The following TMEM38B variants were observed in gnomAD, a reference collection of about 807,000 sequenced individuals.
The protein encoded by TMEM38B is trimeric intracellular cation channel type B.
TMEM38B carries 24 observed loss-of-function variants against 28.7 expected under a neutral mutation model. That is an observed-to-expected ratio of 0.84 (90% CI 0.61 to 1.18). TMEM38B has a LOEUF of 1.18. Among genes scored for constraint, TMEM38B ranks in the 50% most tolerant of loss-of-function variants. The pLI is 0.00. For missense variants in TMEM38B, 380 were observed against 350.9 expected, an observed-to-expected ratio of 1.08 and a Z score of -0.66; for synonymous variants, 131 against 127.7, an observed-to-expected ratio of 1.03 and a Z score of -0.17.
chr9:105,773,132 C>T (rs1001310900), intron 5 of TMEM38B, among the ~76,000 whole-genome samples: 3 of 152,140 alleles, frequency 2.0e-5, no homozygotes, highest in African/African-American at 7.2e-5. Context: ...GAAAGTTCTC[C>T]TCCCAGATTT....
At chr9:105,700,619 T>C (rs1453499905) in intron 1 of TMEM38B, among the ~76,000 whole-genome samples, 1 of 152,182 alleles carries the variant, frequency 6.6e-6, no homozygotes. Flanking sequence ...CTTGACATGG[T>C]TATTTTCTCC....
intron 4 of TMEM38B, among the ~76,000 whole-genome samples, chr9:105,746,245 T>C (rs1837388185): frequency 1.3e-5 from 2 of 151,864 alleles, no homozygotes; most frequent in South Asian, 4.1e-4. Flanking sequence ...TATCCTCTTT[T>C]ATTTCATTGA....
At chr9:105,741,388 G>T (rs1837197243) in intron 4 of TMEM38B, among the ~76,000 whole-genome samples, 1 of 152,168 alleles carries the variant, frequency 6.6e-6, no homozygotes. Context: ...GGATGTTAAA[G>T]GCATTTCTGG....
chr9:105,746,650 T>C (rs1273051037), intron 4 of TMEM38B, among the ~76,000 whole-genome samples: 4 of 152,296 alleles, frequency 2.6e-5, no homozygotes, highest in Middle Eastern at 3.4e-3. Flanking sequence ...ATCCCTGTCT[T>C]GTGCCAGTTT....
At chr9:105,737,809 G>T (rs961681665) in intron 4 of TMEM38B, among the ~76,000 whole-genome samples, 3 of 152,174 alleles carry the variant, frequency 2.0e-5, no homozygotes, top group African/African-American at 7.2e-5. Flanking sequence ...TCAGGTGTCA[G>T]AGGTGTGACT....
In TMEM38B at chr9:105,694,690, G is replaced by A; in HGVS notation, c.30G>A (p.Leu10=). 1 of 1,614,008 alleles carries A rather than the reference G, an allele frequency of 6.2e-7. No individual in the cohort carries two copies. Among genetic ancestry groups the A allele is most frequent in the Non-Finnish European group, 8.5e-7 (1 of 1,179,904 alleles). Residue 10 remains leucine, a synonymous_variant, in exon 1 of 6, where the codon CTG becomes CTA. Transcript: ENST00000374692. MDSPWDELA[L]AFSRTSMFPF... is the part of the protein sequence containing the mutation. ...ATTCTCCATGGGACGAGTTGGCTCT[G>A]GCCTTCTCCCGCACGTCCATGTTTC...
At position 105,733,421 on chromosome 9, in the gene TMEM38B, CT is replaced by C. The variant is rs71306454; in HGVS notation, c.542+10815del. Among the ~76,000 whole-genome samples, 455 of 127,786 alleles carry C rather than the reference CT, an allele frequency of 3.6e-3. 1 individual carries two copies. Among genetic ancestry groups the C allele is most frequent in the Middle Eastern group, 0.012 (3 of 250 alleles). The allele number at this position is 127,786 out of a possible 152,430, so 83.8% of individuals were successfully genotyped here. On this transcript the variant is annotated intron_variant, in intron 4 of 5. Coordinates refer to ENST00000374692, the MANE Select transcript of TMEM38B (RefSeq NM_018112.3). ...ATATTGGCTTGCAGTTTTCTTTTTT[CT>C]TTTTTTTTTTTTTTGCGGTGTCTTT... is the stretch of plus-strand genomic sequence containing the variant.
At chr9:105,741,966 A>G (rs1275664443) in intron 4 of TMEM38B, among the ~76,000 whole-genome samples, 2 of 152,202 alleles carry the variant, frequency 1.3e-5, no homozygotes, top group Admixed American at 1.3e-4. Flanking sequence ...AGCCAGGGAT[A>G]GAGAGGAGGT....
intron 4 of TMEM38B, among the ~76,000 whole-genome samples, chr9:105,742,026 G>A (rs1837225762): frequency 6.6e-6 from 1 of 152,202 alleles, no homozygotes; most frequent in Non-Finnish European, 1.5e-5. Flanking sequence ...GACATGGATT[G>A]CTGTGCATAC....
intron 5 of TMEM38B, chr9:105,748,958 AG>A (rs2133620162): frequency 1.4e-6 from 1 of 710,526 alleles, no homozygotes; most frequent in East Asian, 7.0e-5. Flanking sequence ...GTTTTAGACT[AG>A]ATATTTTTGG....
At chr9:105,764,732 C>T (rs1169936055) in intron 5 of TMEM38B, among the ~76,000 whole-genome samples, 1 of 151,362 alleles carries the variant, frequency 6.6e-6, no homozygotes, top group African/African-American at 2.4e-5. Context: ...GAAAAAACTA[C>T]TTTAAAGTTC....
rs1340841607 is a variant in TMEM38B, at chr9:105,776,132, G to A, written c.*2052G>A. The A allele has an allele frequency of 1.3e-5, 2 of 152,010 alleles. No individual in the cohort carries two copies. The highest frequency in any genetic ancestry group is 3.9e-4 in the East Asian group (2 of 5,170). The allele number at this position is 152,010 out of a possible 1,614,324, so 9.4% of individuals were successfully genotyped here. A position where few individuals can be genotyped will look rare whatever the true frequency, so the allele number is the denominator to read the frequency against. ...TGTGAAGTGTGAATAAGGCCTATAGGCCTGCCTCACACAGCTAATCAGAGG... is the reference window on the plus strand; with the variant it reads ...TGTGAAGTGTGAATAAGGCCTATAGACCTGCCTCACACAGCTAATCAGAGG... On this transcript the variant is annotated 3_prime_UTR_variant, in exon 6 of 6. Transcript: ENST00000374692.
At chr9:105,720,022 A>G (rs904241157) in intron 2 of TMEM38B, among the ~76,000 whole-genome samples, 1 of 152,108 alleles carries the variant, frequency 6.6e-6, no homozygotes, top group African/African-American at 2.4e-5. Flanking sequence ...CAAATTTTCT[A>G]TGAATGTGTA....
chr9:105,730,429 C>T (rs1480388335), intron 4 of TMEM38B, among the ~76,000 whole-genome samples: 1 of 152,082 alleles, frequency 6.6e-6, no homozygotes, highest in African/African-American at 2.4e-5. Flanking sequence ...CCAACTTGAT[C>T]GTGGTGGATA....
At chr9:105,731,996 A>C (rs1041779181) in intron 4 of TMEM38B, among the ~76,000 whole-genome samples, 24 of 152,098 alleles carry the variant, frequency 1.6e-4, no homozygotes, top group Non-Finnish European at 2.5e-4. Flanking sequence ...AATGATCACC[A>C]TTCTAACTGG....
Position 105,773,957 on chromosome 9 carries a change from TTCA to T in TMEM38B, c.758_760del (p.Ser253del). On this transcript the variant is annotated inframe_deletion, in exon 6 of 6. Transcript: ENST00000374692. ...TGCTATTTGGCTGGCAGCAGCCGTT[TTCA>T]TCATGTGAGAAGAAAAGTGAAGCAA... 6.2e-7 allele frequency: 1 copy of T among 1,613,810 alleles called. No homozygotes were observed. Among genetic ancestry groups the T allele is most frequent in the Non-Finnish European group, 8.5e-7 (1 of 1,179,800 alleles).
intron 5 of TMEM38B, among the ~76,000 whole-genome samples, chr9:105,752,118 A>C (rs1176374042): frequency 6.6e-6 from 1 of 151,950 alleles, no homozygotes; most frequent in Non-Finnish European, 1.5e-5. Flanking sequence ...ATTCCTCTTC[A>C]CTGGAGAGGA....
intron 5 of TMEM38B, among the ~76,000 whole-genome samples, chr9:105,771,043 C>G (rs1826527538): frequency 2.0e-5 from 3 of 152,034 alleles, no homozygotes; most frequent in Non-Finnish European, 4.4e-5. Flanking sequence ...TGTGGCAGAG[C>G]TTTAAACAAA....
At chr9:105,741,587 A>C (rs553961636) in intron 4 of TMEM38B, among the ~76,000 whole-genome samples, 2 of 152,342 alleles carry the variant, frequency 1.3e-5, no homozygotes, top group Non-Finnish European at 2.9e-5. Flanking sequence ...ATTGTGGTGG[A>C]AACTTAGCTG....
Sources: allele counts gnomAD v4.1 joint callset (sites outside exome capture counted in the v4.1 genomes callset), GRCh38; gene constraint gnomAD v4.1.1; transcripts MANE v1.5; gene names NCBI Gene and HGNC (gene_info 2026-07-23, HGNC 2026-07-21).